SLC1A4: variants seen among roughly 807,000 people sequenced by gnomAD.
SLC1A4 encodes the protein neutral amino acid transporter A.
Under a neutral mutation model 37.7 loss-of-function variants are expected in SLC1A4, and 19 were observed. The ratio of observed to expected loss-of-function variants is 0.50; its 90% CI spans 0.35 to 0.74. The LOEUF (loss-of-function observed/expected upper bound fraction) is 0.74, where lower values mean the gene tolerates loss of function less well. SLC1A4 is among the 30% of genes least tolerant of loss of function. The pLI, the probability that SLC1A4 is intolerant of heterozygous loss-of-function variation, is 0.01. For missense variants in SLC1A4, 570 were observed against 712.9 expected, an observed-to-expected ratio of 0.80 and a Z score of 2.28; for synonymous variants, 299 against 309.8, an observed-to-expected ratio of 0.97 and a Z score of 0.37.
chr2:64,991,421 C>CTTTTT (rs3050297), intron 1 of SLC1A4, among the ~76,000 whole-genome samples: 3 of 117,666 alleles, frequency 2.5e-5, no homozygotes, highest in African/African-American at 3.3e-5. Flanking sequence ...GGGATCACAG[C>CTTTTT]TTTTTTTTTT....
At chr2:65,015,894 G>A (rs1054279555) in intron 4 of SLC1A4, among the ~76,000 whole-genome samples, 6 of 152,160 alleles carry the variant, frequency 3.9e-5, no homozygotes, top group African/African-American at 1.4e-4. Context: ...AAACTCTCAC[G>A]CTCCAGGCGT....
chr2:65,018,628 T>A lies in SLC1A4; in HGVS notation c.1313T>A (p.Ile438Asn), dbSNP rs141895894. 3 of 1,614,056 alleles carry A rather than the reference T, an allele frequency of 1.9e-6. No individual in the cohort carries two copies. The African/African-American group carries it at 4.0e-5, about 22-fold the overall frequency. Residue 438 changes from isoleucine (I) to asparagine (N), a missense_variant, in exon 7 of 8, where the codon ATT becomes AAT. Ile to Asn is a moderately radical substitution (Grantham distance 149). Coordinates refer to ENST00000234256, the MANE Select transcript of SLC1A4 (RefSeq NM_003038.5). The surrounding 1 kb of genome is among the most constrained non-coding windows in gnomAD (Gnocchi z 4.3). ...VLTIAIILEA[I>N]GLPTHDLPLI... ...ACCATTGCCATTATCCTGGAGGCCA[T>A]TGGGCTGCCTACTCATGACCTGCCT...
rs773945735 is a variant in SLC1A4, at chr2:65,003,961, C to T, written c.579C>T (p.Thr193=). 57 of 1,613,592 alleles carry T rather than the reference C, an allele frequency of 3.5e-5. No individual in the cohort carries two copies. The highest frequency in any genetic ancestry group is 1.6e-4 in the Middle Eastern group (1 of 6,084). ...LVVAAFRTYA[T]DYKVVTQNSS... Reference sequence around the variant, plus strand: ...TTTCCTCTTGATCACAGTATGCAACCGATTATAAAGTCGTGACCCAGAACA... The same window carrying T: ...TTTCCTCTTGATCACAGTATGCAACTGATTATAAAGTCGTGACCCAGAACA... Residue 193 remains threonine, a synonymous_variant, in exon 3 of 8, where the codon ACC becomes ACT. Coordinates refer to ENST00000234256, the MANE Select transcript of SLC1A4 (RefSeq NM_003038.5).
Position 64,989,817 on chromosome 2 carries a change from G to C in SLC1A4, c.174G>C (p.Leu58=). ...CCGGGGTGCTGGCGGGCGCGGGCCT[G>C]GGCGCGGCGTTGCGCGGGCTCAGCC... is the stretch of plus-strand genomic sequence containing the variant. ...TVSGVLAGAG[L]GAALRGLSLS... The change falls in exon 1 of 8, where the codon CTG becomes CTC. Residue 58 remains leucine (L), a synonymous_variant. Transcript: ENST00000234256. 6.5e-7 allele frequency: 1 copy of C among 1,533,028 alleles called. No individual in the cohort carries two copies. The highest frequency in any genetic ancestry group is 1.2e-5 in the South Asian group (1 of 83,348). 95.0% of individuals were successfully genotyped at this position (1,533,028 alleles called of 1,614,324 possible). A position where few individuals can be genotyped will look rare whatever the true frequency, so the allele number is the denominator to read the frequency against.
chr2:65,004,114 T>A (rs919933961), intron 3 of SLC1A4, 99 bp downstream of exon 3: 13 of 975,194 alleles, frequency 1.3e-5, no homozygotes, highest in Admixed American at 2.0e-5. Flanking sequence ...AACTTTGAGG[T>A]TTGAATGGGC....
chr2:64,990,093 C>A lies in SLC1A4; in HGVS notation c.450C>A (p.Ser150=). 6.2e-7 allele frequency: 1 copy of A among 1,610,090 alleles called. No individual in the cohort carries two copies. Residue 150 remains serine, a synonymous_variant, in exon 1 of 8, where the codon TCC becomes TCA. Transcript: ENST00000234256. ...GATCCGGTGCGCAGACCCTTCAGTC[C>A]AGCGACCTGGGGCTGGAGGACTCGG... ...KPGSGAQTLQ[S]SDLGLEDSGP...
chr2:64,990,050 C>A lies in SLC1A4; in HGVS notation c.407C>A (p.Ala136Glu). 1 of 1,606,934 alleles carries A rather than the reference C, an allele frequency of 6.2e-7. No homozygotes were observed. The highest frequency in any genetic ancestry group is 1.1e-5 in the South Asian group (1 of 89,556). The change falls in exon 1 of 8, where the codon GCG becomes GAG. Residue 136 changes from alanine to glutamate, a missense_variant. Physicochemically the swap from Ala to Glu is moderately radical, Grantham distance 107. Coordinates refer to ENST00000234256, the MANE Select transcript of SLC1A4 (RefSeq NM_003038.5). ...LSASALAVALAFIIKPGSGAQ... is the reference protein window; with the variant it reads ...LSASALAVALEFIIKPGSGAQ... ...GCCTCGGCGCTCGCCGTGGCCTTGG[C>A]GTTCATCATCAAGCCAGGATCCGGT...
At chr2:65,002,109 G>A (rs1453238985) in intron 2 of SLC1A4, among the ~76,000 whole-genome samples, 17 of 151,924 alleles carry the variant, frequency 1.1e-4, no homozygotes, top group African/African-American at 3.1e-4. Context: ...GTGAAACCCC[G>A]TCTCCATTAA....
In SLC1A4 at chr2:65,022,781, A is replaced by G. The variant is rs1057177116; in HGVS notation, c.*1635A>G. The G allele has an allele frequency of 6.6e-6, 1 of 152,070 alleles. No homozygotes were observed. The highest frequency in any genetic ancestry group is 1.5e-5 in the Non-Finnish European group (1 of 68,056). 9.4% of individuals were successfully genotyped at this position (152,070 alleles called of 1,614,324 possible). ...CGCCTGATTTTGCTGTGACTCCCAG[A>G]CCCAGCCACTGTTTCTGCCACCCTG... On this transcript the variant is annotated 3_prime_UTR_variant, in exon 8 of 8. Coordinates refer to ENST00000234256, the MANE Select transcript of SLC1A4 (RefSeq NM_003038.5).
chr2:64,993,667 A>G (rs1673143887), intron 1 of SLC1A4, among the ~76,000 whole-genome samples: 1 of 152,236 alleles, frequency 6.6e-6, no homozygotes, highest in African/African-American at 2.4e-5. Context: ...AGAGACAGAA[A>G]CAGGTTATCA....
In SLC1A4 at chr2:65,018,011, C is replaced by T; in HGVS notation, c.1035-60C>T. On this transcript the variant is annotated intron_variant, in intron 5 of 7. Transcript: ENST00000234256. This position sits in a 1 kb window ranked among gnomAD's most constrained non-coding sequence, Gnocchi z 4.3. ...CTCTGTTCTGGGGTCTGAGACAAGA[C>T]ACATGTTAGCCTGCCTCGGACTGTT... is the stretch of plus-strand genomic sequence containing the variant. The T allele has an allele frequency of 6.8e-7, 1 of 1,474,552 alleles. No individual in the cohort carries two copies. The highest frequency in any genetic ancestry group is 1.2e-5 in the South Asian group (1 of 85,040). The allele number at this position is 1,474,552 out of a possible 1,614,324, so 91.3% of individuals were successfully genotyped here.
In SLC1A4 at chr2:64,990,137, A is replaced by G. The variant is rs760293048; in HGVS notation, c.494A>G (p.Lys165Arg). Residue 165 changes from lysine (K) to arginine (R), a missense_variant, in exon 1 of 8, where the codon AAA becomes AGA. Transcript: ENST00000234256. ...LEDSGPPPVP[K>R]ETVDSFLDLA... is the part of the protein sequence containing the mutation. ...GACTCGGGGCCTCCTCCTGTCCCCA[A>G]AGAGACGGTGGACTCTTTCCTCGAC... 1.2e-5 allele frequency: 20 copies of G among 1,610,436 alleles called. No individual in the cohort carries two copies. The highest frequency in any genetic ancestry group is 1.5e-5 in the Non-Finnish European group (18 of 1,178,322).
chr2:65,020,683 G>A (rs1347470353), intron 7 of SLC1A4, among the ~76,000 whole-genome samples: 1 of 152,196 alleles, frequency 6.6e-6, no homozygotes, highest in Non-Finnish European at 1.5e-5. Context: ...GACTAGGGGT[G>A]AGTGGCTTGT....
intron 1 of SLC1A4, chr2:65,000,398 T>C (rs894643459): frequency 6.6e-6 from 1 of 152,186 alleles, no homozygotes; most frequent in Non-Finnish European, 1.5e-5. Context: ...GATGTAACTG[T>C]AATATACAAA....
intron 1 of SLC1A4, chr2:65,001,221 T>C: frequency 1.9e-6 from 1 of 518,930 alleles, no homozygotes; most frequent in Non-Finnish European, 3.4e-6. Context: ...TCAAAGCAGA[T>C]ACTTTGCACA....
chr2:65,023,165 G>A lies in SLC1A4; in HGVS notation c.*2019G>A, dbSNP rs993364337. 4.6e-5 allele frequency: 7 copies of A among 152,246 alleles called. No individual in the cohort carries two copies. The highest frequency in any genetic ancestry group is 1.7e-4 in the African/African-American group (7 of 41,456). 9.4% of individuals were successfully genotyped at this position (152,246 alleles called of 1,614,324 possible). Reference sequence around the variant, plus strand: ...TTTTCCCCGCTGGGTAGAGCATGTTGCTGATACTCTTCTGTTTTCAAGGGA... The same window carrying A: ...TTTTCCCCGCTGGGTAGAGCATGTTACTGATACTCTTCTGTTTTCAAGGGA... On this transcript the variant is annotated 3_prime_UTR_variant, in exon 8 of 8. Coordinates refer to ENST00000234256, the MANE Select transcript of SLC1A4 (RefSeq NM_003038.5).
chr2:65,001,528 A>G (rs1673457763), intron 2 of SLC1A4, 38 bp downstream of exon 2: 2 of 1,572,366 alleles, frequency 1.3e-6, no homozygotes, highest in Non-Finnish European at 1.8e-6. Flanking sequence ...TGAAACTTTG[A>G]TGGAAGAAAT....
At chr2:65,003,527 G>T (rs1388114432) in intron 2 of SLC1A4, among the ~76,000 whole-genome samples, 1 of 152,158 alleles carries the variant, frequency 6.6e-6, no homozygotes, top group Non-Finnish European at 1.5e-5. Flanking sequence ...CTAGAACAAA[G>T]TGGGGCATAA....
intron 1 of SLC1A4, 129 bp downstream of exon 1, chr2:64,990,299 G>A: frequency 1.0e-6 from 1 of 974,232 alleles, no homozygotes; most frequent in South Asian, 2.0e-5. Flanking sequence ...GGCGTTTAAC[G>A]TTTTAAAAAT....
Sources: allele counts gnomAD v4.1 joint callset (sites outside exome capture counted in the v4.1 genomes callset), GRCh38; gene constraint gnomAD v4.1.1; non-coding constraint Gnocchi (gnomAD v3.1); transcripts MANE v1.5; gene names NCBI Gene and HGNC (gene_info 2026-07-23, HGNC 2026-07-21).